The following INSR variants were observed in gnomAD, a reference collection of about 807,000 sequenced individuals.
The protein encoded by INSR is insulin receptor.
Under a neutral mutation model 142.6 loss-of-function variants are expected in INSR, and 67 were observed. The observed-to-expected ratio is 0.47, with a 90% CI of 0.39 to 0.58. INSR has a LOEUF of 0.58. Among genes scored for constraint, INSR ranks in the 20% least tolerant of loss-of-function variants. INSR has a pLI of 0.00. For missense variants in INSR, 1,248 were observed against 1,833.2 expected, an observed-to-expected ratio of 0.68 and a Z score of 5.83; for synonymous variants, 756 against 743.1, an observed-to-expected ratio of 1.02 and a Z score of -0.28.
At chr19:7,280,665 C>T (rs11882992) in intron 1 of INSR, among the ~76,000 whole-genome samples, 49,717 of 151,248 alleles carry the variant, frequency 0.33, 9,476 homozygotes, top group Non-Finnish European at 0.44. Context: ...TGTGATGAGC[C>T]GATATCATGC....
intron 2 of INSR, among the ~76,000 whole-genome samples, chr19:7,233,815 A>C (rs1436875311): frequency 6.6e-6 from 1 of 151,170 alleles, no homozygotes; most frequent in African/African-American, 2.4e-5. Context: ...AGCTGGGACT[A>C]CAGGCGCCCG....
intron 1 of INSR, among the ~76,000 whole-genome samples, chr19:7,288,475 A>C (rs548158250): frequency 6.6e-6 from 1 of 151,876 alleles, no homozygotes; most frequent in East Asian, 1.9e-4. Context: ...CTGTCTCTAC[A>C]AACAAATTTT....
intron 14 of INSR, 142 bp downstream of exon 14, chr19:7,132,016 G>T: frequency 1.0e-6 from 1 of 1,000,684 alleles, no homozygotes; most frequent in Non-Finnish European, 1.6e-6. Flanking sequence ...ATCAAAGAGG[G>T]CAAGCACCGC....
chr19:7,259,247 T>A (rs1976988870), intron 2 of INSR, among the ~76,000 whole-genome samples: 1 of 151,518 alleles, frequency 6.6e-6, no homozygotes, highest in Non-Finnish European at 1.5e-5. Flanking sequence ...CGCAATGACA[T>A]CTATAAGACA....
Position 7,216,310 on chromosome 19 carries a change from C to G in INSR, c.653-31673G>C, listed in dbSNP as rs1446512331. Among the ~76,000 whole-genome samples, 1 of 152,146 alleles carries G rather than the reference C, an allele frequency of 6.6e-6. No homozygotes were observed. The highest frequency in any genetic ancestry group is 1.5e-5 in the Non-Finnish European group (1 of 68,030). On this transcript the variant is annotated intron_variant, in intron 2 of 21. Coordinates refer to ENST00000302850, the MANE Select transcript of INSR (RefSeq NM_000208.4). This position sits in a 1 kb window ranked among gnomAD's most constrained non-coding sequence, Gnocchi z 4.2. ...TTGCACTCCAGCCTGGGCAAGAGAG[C>G]AAGACTCTGTCTCAAAGACAAAAAG... is the stretch of plus-strand genomic sequence containing the variant.
At chr19:7,224,527 G>A (rs994031425) in intron 2 of INSR, among the ~76,000 whole-genome samples, 8 of 152,146 alleles carry the variant, frequency 5.3e-5, no homozygotes, top group East Asian at 1.9e-4. Flanking sequence ...GAGCCTCCAC[G>A]AAGCCCAGGC....
intron 9 of INSR, among the ~76,000 whole-genome samples, chr19:7,161,952 G>C (rs541096727): frequency 2.2e-3 from 335 of 152,242 alleles, no homozygotes; most frequent in African/African-American, 7.7e-3. Context: ...GGAGGCTGAG[G>C]GGGGTGAATT....
intron 12 of INSR, among the ~76,000 whole-genome samples, chr19:7,142,389 CAAAAAAAAAAAAAA>C (rs34453877): frequency 2.4e-5 from 1 of 42,146 alleles, no homozygotes; most frequent in Non-Finnish European, 4.1e-5. Context: ...GACTTCATCT[CAAAAAAAAAAAAAA>C]AAAAAAAAAA....
At chr19:7,268,508 C>A (rs1408932619) in intron 1 of INSR, 3 of 985,224 alleles carry the variant, frequency 3.0e-6, no homozygotes, top group Non-Finnish European at 3.6e-6. Context: ...CAGGCCCCAA[C>A]GCCCACCATG....
chr19:7,172,206 C>T, intron 5 of INSR, 84 bp downstream of exon 5: 1 of 1,523,302 alleles, frequency 6.6e-7, no homozygotes. Flanking sequence ...GCCACCACAC[C>T]TGGCCAAAAA....
chr19:7,227,152 T>C (rs1320229488), intron 2 of INSR, among the ~76,000 whole-genome samples: 7 of 152,246 alleles, frequency 4.6e-5, no homozygotes, highest in Admixed American at 4.6e-4. Flanking sequence ...ATACCTTTTC[T>C]GGTTATTTTC....
At chr19:7,284,530 T>C (rs1280071588) in intron 1 of INSR, among the ~76,000 whole-genome samples, 2 of 151,708 alleles carry the variant, frequency 1.3e-5, no homozygotes, top group African/African-American at 2.4e-5. Flanking sequence ...GACTCAGGTT[T>C]TTTTGTTGTT....
chr19:7,133,309 GGTACAGT>G (rs776055443), intron 13 of INSR, among the ~76,000 whole-genome samples: 10 of 151,950 alleles, frequency 6.6e-5, no homozygotes, highest in Non-Finnish European at 1.2e-4. Context: ...ACACGTATGG[GGTACAGT>G]GTAAAGTTAT....
At position 7,152,910 on chromosome 19, in the gene INSR, T is replaced by C; in HGVS notation, c.2047A>G (p.Arg683Gly). The C allele has an allele frequency of 6.2e-7, 1 of 1,611,710 alleles. No individual in the cohort carries two copies. The highest frequency in any genetic ancestry group is 8.5e-7 in the Non-Finnish European group (1 of 1,179,674). Residue 683 changes from arginine (R) to glycine (G), a missense_variant, in exon 10 of 22, where the codon AGG (arginine) becomes GGG (glycine). Arg to Gly is a moderately radical substitution (Grantham distance 125). This residue lies in a region of INSR where 1,069 missense variants were observed against 1,654.0 expected (regional missense o/e 0.65). Coordinates refer to ENST00000302850, the MANE Select transcript of INSR (RefSeq NM_000208.4). ...YCLKGLKLPSRTWSPPFESED... is the reference protein window; with the variant it reads ...YCLKGLKLPSGTWSPPFESED... Reference sequence around the variant, plus strand: ...GACTCGAATGGTGGAGACCAGGTCCTCGAGGGCAGCTTCAGCCCTGGAGAA... The same window carrying C: ...GACTCGAATGGTGGAGACCAGGTCCCCGAGGGCAGCTTCAGCCCTGGAGAA...
chr19:7,154,061 C>T (rs1231881940), intron 9 of INSR, among the ~76,000 whole-genome samples: 4 of 151,102 alleles, frequency 2.6e-5, no homozygotes, highest in Non-Finnish European at 5.9e-5. Context: ...CTCAGGAGGT[C>T]GAGGCAGGAG....
At chr19:7,269,020 G>C (rs917519155) in intron 1 of INSR, among the ~76,000 whole-genome samples, 4 of 119,030 alleles carry the variant, frequency 3.4e-5, no homozygotes, top group African/African-American at 1.4e-4. Context: ...GCTTCTCTCT[G>C]CCAACACACC....
At chr19:7,222,360 T>C (rs1975647696) in intron 2 of INSR, among the ~76,000 whole-genome samples, 1 of 151,996 alleles carries the variant, frequency 6.6e-6, no homozygotes, top group South Asian at 2.1e-4. Flanking sequence ...TTTTGACATG[T>C]GTCCCGTACA....
chr19:7,248,128 A>G (rs8100311), intron 2 of INSR, among the ~76,000 whole-genome samples: 41,703 of 151,420 alleles, frequency 0.28, 7,224 homozygotes, highest in African/African-American at 0.49. Context: ...GCAAGACTCC[A>G]TCTTTTATTT....
At chr19:7,156,752 T>G (rs1973601977) in intron 9 of INSR, among the ~76,000 whole-genome samples, 1 of 147,690 alleles carries the variant, frequency 6.8e-6, no homozygotes, top group African/African-American at 2.5e-5. Context: ...GTAGCAGTCC[T>G]AAAAATACAA....
Sources: allele counts gnomAD v4.1 joint callset (sites outside exome capture counted in the v4.1 genomes callset), GRCh38; gene constraint gnomAD v4.1.1; regional missense constraint gnomAD v4.1.1; non-coding constraint Gnocchi (gnomAD v3.1); transcripts MANE v1.5; gene names NCBI Gene and HGNC (gene_info 2026-07-23, HGNC 2026-07-21).